The following PDPR variants were observed in gnomAD, a reference collection of about 807,000 sequenced individuals.
The protein encoded by PDPR is pyruvate dehydrogenase phosphatase regulatory subunit.
Under a neutral mutation model 102.2 loss-of-function variants are expected in PDPR, and 50 were observed. That is an observed-to-expected ratio of 0.49 (90% CI 0.39 to 0.62). The LOEUF is 0.62. Ranked by LOEUF, PDPR falls within the 20% of genes least tolerant of loss-of-function variation. The probability of loss-of-function intolerance (pLI) is 0.00; values close to 1 mark genes in which losing one functional copy is unlikely to be tolerated. For synonymous variants in PDPR, 259 were observed against 406.0 expected, an observed-to-expected ratio of 0.64 and a Z score of 4.35; for missense variants, 625 against 1,098.2, an observed-to-expected ratio of 0.57 and a Z score of 6.09.
chr16:70,139,610 G>A (rs546248413), intron 11 of PDPR, among the ~76,000 whole-genome samples: 1 of 152,388 alleles, frequency 6.6e-6, no homozygotes, highest in Admixed American at 6.5e-5. Flanking sequence ...TTCTCGCCCT[G>A]CTTCAACTTT....
In PDPR at chr16:70,156,680, T is replaced by G. The variant is rs763152136; in HGVS notation, c.2441T>G (p.Leu814Arg). The G allele has an allele frequency of 1.9e-6, 3 of 1,614,042 alleles. No homozygotes were observed. Among genetic ancestry groups the G allele is most frequent in the Non-Finnish European group, 2.5e-6 (3 of 1,179,914 alleles). ...YSYSLERHVC[L>R]GFVHNFSEDT... Reference sequence around the variant, plus strand: ...TACAGCCTGGAGCGCCACGTTTGCCTGGGCTTTGTGCACAATTTTTCTGAG... The same window carrying G: ...TACAGCCTGGAGCGCCACGTTTGCCGGGGCTTTGTGCACAATTTTTCTGAG... The change falls in exon 19 of 19, where the codon CTG becomes CGG. Residue 814 changes from leucine to arginine, a missense_variant. Transcript: ENST00000288050.
intron 11 of PDPR, among the ~76,000 whole-genome samples, chr16:70,141,091 T>C (rs1451356719): frequency 6.6e-6 from 1 of 152,218 alleles, no homozygotes; most frequent in East Asian, 1.9e-4. Context: ...TCTTGCTCTA[T>C]TGCCCAGGCT....
At chr16:70,124,643 T>C (rs1428485368) in intron 3 of PDPR, among the ~76,000 whole-genome samples, 2 of 152,260 alleles carry the variant, frequency 1.3e-5, no homozygotes, top group African/African-American at 4.8e-5. Context: ...CGAGAGCCAC[T>C]GTCAAAGCTG....
intron 9 of PDPR, among the ~76,000 whole-genome samples, chr16:70,135,712 A>G (rs1205659176): frequency 6.6e-6 from 1 of 152,244 alleles, no homozygotes. Flanking sequence ...TTGCAGCTAT[A>G]TCCTGTAATT....
At chr16:70,124,378 A>C (rs7200458) in intron 3 of PDPR, among the ~76,000 whole-genome samples, 5,884 of 148,540 alleles carry the variant, frequency 0.04, no homozygotes, top group East Asian at 0.05. Flanking sequence ...AATAGTTATT[A>C]TTATGCCTTA....
chr16:70,114,477 G>A (rs1962423200), intron 1 of PDPR, 37 bp downstream of exon 1: 1 of 152,160 alleles, frequency 6.6e-6, no homozygotes, highest in African/African-American at 2.4e-5. Flanking sequence ...TGGCCTCCCC[G>A]TCCGCGCGGG....
intron 13 of PDPR, among the ~76,000 whole-genome samples, chr16:70,143,252 T>C (rs1256603689): frequency 3.3e-5 from 5 of 152,262 alleles, no homozygotes; most frequent in Non-Finnish European, 7.3e-5. Context: ...TATTTTAGTG[T>C]TTCATCTGTA....
intron 3 of PDPR, among the ~76,000 whole-genome samples, chr16:70,121,768 T>C (rs1355316833): frequency 7.1e-6 from 1 of 140,010 alleles, no homozygotes; most frequent in African/African-American, 2.9e-5. Flanking sequence ...CTTATTCCCT[T>C]TTTTTTTTTT....
At chr16:70,146,825 G>A (rs1435436172) in intron 16 of PDPR, among the ~76,000 whole-genome samples, 1 of 60,124 alleles carries the variant, frequency 1.7e-5, no homozygotes, top group African/African-American at 6.1e-5. Flanking sequence ...CCGAGATTGC[G>A]CCATTGCACT....
chr16:70,156,858 G>C lies in PDPR; in HGVS notation c.2619G>C (p.Leu873=). ...AGCGCCGAAAGGATGACATGGAGCT[G>C]AGTGACTTACATGGGAAGTGATGCC... ...TQKRRKDDME[L]SDLHGK is the part of the protein sequence containing the mutation. The change falls in exon 19 of 19, where the codon CTG becomes CTC. Residue 873 remains leucine, a synonymous_variant. Transcript: ENST00000288050. 6.2e-7 allele frequency: 1 copy of C among 1,613,800 alleles called. No homozygotes were observed. Among genetic ancestry groups the C allele is most frequent in the African/African-American group, 1.3e-5 (1 of 75,068 alleles).
chr16:70,117,297 G>A lies in PDPR; in HGVS notation c.-33+2367G>A, dbSNP rs62053468. On this transcript the variant is annotated intron_variant, in intron 2 of 18. Transcript: ENST00000288050. ...TGGGAGGCCAAGGCAGGCGGATCAC[G>A]AGGTCGGGAGATTGAGACCATCCTG... Among the ~76,000 whole-genome samples the A allele has an allele frequency of 3.1e-5, 3 of 97,130 alleles. 1 individual carries two copies. Among genetic ancestry groups the A allele is most frequent in the Non-Finnish European group, 6.8e-5 (3 of 44,048 alleles). The allele number at this position is 97,130 out of a possible 152,430, so 63.7% of individuals were successfully genotyped here.
chr16:70,139,531 T>C (rs1391133475), intron 11 of PDPR, among the ~76,000 whole-genome samples: 1 of 152,260 alleles, frequency 6.6e-6, no homozygotes, highest in African/African-American at 2.4e-5. Context: ...TAATCCACCC[T>C]ACAGCAGCAA....
intron 17 of PDPR, among the ~76,000 whole-genome samples, chr16:70,149,678 C>T (rs1298599612): frequency 2.0e-5 from 3 of 152,376 alleles, no homozygotes; most frequent in South Asian, 2.1e-4. Context: ...CATTGTGGTA[C>T]ATCATTCCGA....
chr16:70,126,091 G>A (rs566439994), intron 3 of PDPR, among the ~76,000 whole-genome samples: 4 of 152,388 alleles, frequency 2.6e-5, no homozygotes, highest in Admixed American at 1.3e-4. Flanking sequence ...ATAAGTGGGA[G>A]CATACCTTAC....
At chr16:70,135,481 C>G (rs1483430037) in intron 9 of PDPR, among the ~76,000 whole-genome samples, 15 of 152,372 alleles carry the variant, frequency 9.8e-5, no homozygotes, top group African/African-American at 3.6e-4. Flanking sequence ...AGGTGATCCG[C>G]CCACCTTGGC....
intron 11 of PDPR, among the ~76,000 whole-genome samples, chr16:70,140,588 G>A (rs1965607874): frequency 6.6e-6 from 1 of 152,198 alleles, no homozygotes; most frequent in South Asian, 2.1e-4. Flanking sequence ...GGAGGCTGAG[G>A]CAGGCGGATC....
At chr16:70,140,859 T>A (rs1965637857) in intron 11 of PDPR, among the ~76,000 whole-genome samples, 2 of 152,030 alleles carry the variant, frequency 1.3e-5, no homozygotes, top group South Asian at 2.1e-4. Context: ...GGGGAGGGGA[T>A]GATAGAACCG....
At position 70,141,556 on chromosome 16, in the gene PDPR, T is replaced by G. The variant is rs576952365; in HGVS notation, c.1316-678T>G. Among the ~76,000 whole-genome samples the G allele has an allele frequency of 2.0e-5, 3 of 152,396 alleles. No individual in the cohort carries two copies. In the East Asian group the frequency reaches 5.8e-4, roughly 29 times the overall value. On this transcript the variant is annotated intron_variant, in intron 11 of 18. Coordinates refer to ENST00000288050, the MANE Select transcript of PDPR (RefSeq NM_017990.5). ...ACAATGAAGAATCGAATGCCATTTT[T>G]TCACATTTTGTTACCACCTGTGTCC...
chr16:70,156,670 C>A lies in PDPR; in HGVS notation c.2431C>A (p.His811Asn), dbSNP rs371950434. The change falls in exon 19 of 19, where the codon CAC (histidine) becomes AAC (asparagine). Residue 811 changes from histidine to asparagine, a missense_variant. By Grantham distance (68) the His-to-Asn change is moderately conservative. Transcript: ENST00000288050. ...SSAYSYSLER[H>N]VCLGFVHNFS... Reference sequence around the variant, plus strand: ...TGCCTACAGCTACAGCCTGGAGCGCCACGTTTGCCTGGGCTTTGTGCACAA... The same window carrying A: ...TGCCTACAGCTACAGCCTGGAGCGCAACGTTTGCCTGGGCTTTGTGCACAA... The A allele has an allele frequency of 6.2e-6, 10 of 1,613,934 alleles. No homozygotes were observed. Among genetic ancestry groups the A allele is most frequent in the Non-Finnish European group, 8.5e-6 (10 of 1,179,918 alleles).
Sources: allele counts gnomAD v4.1 joint callset (sites outside exome capture counted in the v4.1 genomes callset), GRCh38; gene constraint gnomAD v4.1.1; transcripts MANE v1.5; gene names NCBI Gene and HGNC (gene_info 2026-07-23, HGNC 2026-07-21).